CDK14: variants seen among roughly 807,000 people sequenced by gnomAD.
CDK14 encodes the protein cyclin-dependent kinase 14.
Under a neutral mutation model 60.7 loss-of-function variants are expected in CDK14, and 34 were observed. The ratio of observed to expected loss-of-function variants is 0.56; its 90% CI spans 0.43 to 0.75. The LOEUF is 0.75. CDK14 is among the 30% of genes least tolerant of loss of function. The probability of loss-of-function intolerance (pLI) is 0.00; values close to 1 mark genes in which losing one functional copy is unlikely to be tolerated. For missense variants in CDK14, 482 were observed against 564.1 expected (o/e 0.85, Z 1.47); for synonymous variants, 197 against 203.7 (o/e 0.97, Z 0.28).
intron 11 of CDK14, among the ~76,000 whole-genome samples, chr7:91,069,205 T>C (rs911671930): frequency 3.9e-5 from 6 of 152,172 alleles, no homozygotes; most frequent in African/African-American, 1.4e-4. Context: ...CAAAGCAATA[T>C]AAGTCATTTT....
At chr7:90,773,169 A>T (rs1339831085) in intron 4 of CDK14, among the ~76,000 whole-genome samples, 2 of 152,234 alleles carry the variant, frequency 1.3e-5, no homozygotes. Context: ...CTTGAAAGAA[A>T]AAACAGTTAT....
At chr7:90,940,896 C>T (rs914640074) in intron 8 of CDK14, among the ~76,000 whole-genome samples, 1 of 152,094 alleles carries the variant, frequency 6.6e-6, no homozygotes, top group Admixed American at 6.6e-5. Flanking sequence ...AATAAAGTTG[C>T]CACTGGTCAC....
intron 14 of CDK14, among the ~76,000 whole-genome samples, chr7:91,179,569 G>A (rs532281945): frequency 4.6e-5 from 7 of 151,360 alleles, no homozygotes; most frequent in East Asian, 1.9e-4. Context: ...ATGGGAGGCC[G>A]AGGTGGGCGG....
At chr7:90,887,767 T>C (rs964539005) in intron 6 of CDK14, among the ~76,000 whole-genome samples, 1 of 152,172 alleles carries the variant, frequency 6.6e-6, no homozygotes, top group African/African-American at 2.4e-5. Flanking sequence ...TTGTTACCAC[T>C]GGGTCAAATT....
At chr7:90,628,766 T>G (rs1435028887) in intron 2 of CDK14, among the ~76,000 whole-genome samples, 1 of 152,080 alleles carries the variant, frequency 6.6e-6, no homozygotes, top group Non-Finnish European at 1.5e-5. Context: ...AGTCCAGATG[T>G]TGCAGGCTGC....
At chr7:90,699,742 G>A (rs1051331013) in intron 2 of CDK14, among the ~76,000 whole-genome samples, 18 of 152,308 alleles carry the variant, frequency 1.2e-4, no homozygotes, top group African/African-American at 4.1e-4. Flanking sequence ...CTTGCATTCA[G>A]GTGGTCCTGC....
At chr7:90,821,361 A>G (rs1789541377) in intron 5 of CDK14, among the ~76,000 whole-genome samples, 2 of 152,172 alleles carry the variant, frequency 1.3e-5, no homozygotes, top group Admixed American at 6.5e-5. Flanking sequence ...ATTTGTCAAA[A>G]ATTAAGGCCG....
intron 5 of CDK14, among the ~76,000 whole-genome samples, chr7:90,805,145 G>A (rs1024698826): frequency 6.6e-6 from 1 of 151,880 alleles, no homozygotes; most frequent in African/African-American, 2.4e-5. Context: ...AAATTTCTGG[G>A]TTAATTTTAA....
At chr7:91,020,045 A>G (rs1254289581) in intron 10 of CDK14, among the ~76,000 whole-genome samples, 2 of 152,226 alleles carry the variant, frequency 1.3e-5, no homozygotes, top group Non-Finnish European at 2.9e-5. Flanking sequence ...CCCTTGGACC[A>G]GCAGGCTAAT....
intron 8 of CDK14, among the ~76,000 whole-genome samples, chr7:90,927,017 C>T (rs1396637428): frequency 6.6e-6 from 1 of 152,186 alleles, no homozygotes; most frequent in Non-Finnish European, 1.5e-5. Flanking sequence ...GAAGGGTGCT[C>T]AGAGCTTCCA....
rs766513197 is a variant in CDK14 at position 90,965,715 on chromosome 7, G to GT, written c.947+9899dup. ...TAGAGATACAGTTTTCAAATTCTTAGTATTTTGAAAACGCCTTTATTCTAC... is the reference window on the plus strand; with the variant it reads ...TAGAGATACAGTTTTCAAATTCTTAGTTATTTTGAAAACGCCTTTATTCTAC... On this transcript the variant is annotated intron_variant, in intron 9 of 14. Transcript: ENST00000380050. Among the ~76,000 whole-genome samples, 5 of 152,236 alleles carry GT rather than the reference G, an allele frequency of 3.3e-5. No individual in the cohort carries two copies. In the South Asian group the frequency reaches 6.2e-4, roughly 19 times the overall value.
intron 5 of CDK14, among the ~76,000 whole-genome samples, chr7:90,804,473 C>T (rs761937552): frequency 2.6e-5 from 4 of 151,974 alleles, no homozygotes; most frequent in South Asian, 2.1e-4. Context: ...TTGCTTAAAG[C>T]GTTTTTATAA....
chr7:90,709,328 G>C, intron 2 of CDK14: 3 of 965,036 alleles, frequency 3.1e-6, no homozygotes, highest in Non-Finnish European at 4.2e-6. Context: ...TTATTTAATG[G>C]GGTTGTCACT....
chr7:90,921,530 C>T (rs1057289591), intron 8 of CDK14, among the ~76,000 whole-genome samples: 1 of 151,966 alleles, frequency 6.6e-6, no homozygotes, highest in Non-Finnish European at 1.5e-5. Context: ...CTGTTTTGCT[C>T]ACTGTTGTTT....
intron 7 of CDK14, among the ~76,000 whole-genome samples, chr7:90,909,640 C>T (rs998172189): frequency 1.3e-5 from 2 of 152,052 alleles, no homozygotes; most frequent in Admixed American, 6.6e-5. Flanking sequence ...GGAAACACCA[C>T]CTTGCTTGGT....
At chr7:90,729,337 T>C (rs1007526327) in intron 3 of CDK14, among the ~76,000 whole-genome samples, 1 of 130,344 alleles carries the variant, frequency 7.7e-6, no homozygotes. Context: ...ATCATGTAGG[T>C]ATCAAGGTTT....
intron 2 of CDK14, among the ~76,000 whole-genome samples, chr7:90,672,914 T>C (rs1366980492): frequency 6.6e-6 from 1 of 152,174 alleles, no homozygotes; most frequent in Non-Finnish European, 1.5e-5. Flanking sequence ...TTTGTGTATA[T>C]GTTTTACTAT....
intron 5 of CDK14, among the ~76,000 whole-genome samples, chr7:90,848,829 T>C (rs1167867988): frequency 6.6e-6 from 1 of 152,196 alleles, no homozygotes; most frequent in Non-Finnish European, 1.5e-5. Flanking sequence ...TCCTATTCCA[T>C]CTAGTGGGTT....
At chr7:90,977,768 A>T (rs1795120633) in intron 9 of CDK14, among the ~76,000 whole-genome samples, 1 of 152,232 alleles carries the variant, frequency 6.6e-6, no homozygotes, top group Admixed American at 6.5e-5. Flanking sequence ...CAGAATAGCC[A>T]GGGGGAAGGA....
Sources: allele counts gnomAD v4.1 joint callset (sites outside exome capture counted in the v4.1 genomes callset), GRCh38; gene constraint gnomAD v4.1.1; transcripts MANE v1.5; gene names NCBI Gene and HGNC (gene_info 2026-07-23, HGNC 2026-07-21).